Variants in SGIP1 observed in about 807,000 individuals in gnomAD.
SGIP1 encodes SH3GL interacting endocytic adaptor 1.
SGIP1 carries 38 observed loss-of-function variants against 107.5 expected under a neutral mutation model. The ratio of observed to expected loss-of-function variants is 0.35; its 90% CI spans 0.27 to 0.46. The LOEUF is 0.46. Among genes scored for constraint, SGIP1 ranks in the 20% least tolerant of loss-of-function variants. The pLI, the probability that SGIP1 is intolerant of heterozygous loss-of-function variation, is 1.00. For missense variants in SGIP1, 929 were observed against 1,019.5 expected, an observed-to-expected ratio of 0.91 and a Z score of 1.21; for synonymous variants, 365 against 366.1, an observed-to-expected ratio of 1.00 and a Z score of 0.03.
intron 18 of SGIP1, among the ~76,000 whole-genome samples, chr1:66,697,127 C>A (rs975253944): frequency 1.1e-4 from 17 of 152,104 alleles, no homozygotes; most frequent in African/African-American, 4.1e-4. Context: ...GTGTATGTGT[C>A]AGCTTATTTG....
chr1:66,741,494 A>C, intron 24 of SGIP1, 58 bp downstream of exon 24: 1 of 1,469,752 alleles, frequency 6.8e-7, no homozygotes, highest in South Asian at 1.5e-5. Flanking sequence ...GGCTACTCTT[A>C]AGAGGAATAG....
intron 3 of SGIP1, chr1:66,634,282 C>G (rs929691503): frequency 3.9e-5 from 29 of 739,050 alleles, no homozygotes; most frequent in Non-Finnish European, 4.8e-5. Flanking sequence ...CCTTGCTGCT[C>G]CCAGACTGGA....
At chr1:66,626,978 T>A (rs1287342307) in intron 2 of SGIP1, among the ~76,000 whole-genome samples, 1 of 152,186 alleles carries the variant, frequency 6.6e-6, no homozygotes, top group African/African-American at 2.4e-5. Flanking sequence ...CCTGAGTATT[T>A]CCCTGGGCCC....
At chr1:66,711,389 A>G (rs1248886985) in intron 18 of SGIP1, among the ~76,000 whole-genome samples, 1 of 152,162 alleles carries the variant, frequency 6.6e-6, no homozygotes, top group African/African-American at 2.4e-5. Context: ...GGGTAAGGGT[A>G]AAACCCAGAT....
At chr1:66,584,312 G>A (rs2062235538) in intron 1 of SGIP1, among the ~76,000 whole-genome samples, 2 of 152,062 alleles carry the variant, frequency 1.3e-5, no homozygotes, top group South Asian at 4.1e-4. Flanking sequence ...ATGCTGTTTG[G>A]ATTCTCCAAT....
intron 1 of SGIP1, among the ~76,000 whole-genome samples, chr1:66,605,411 G>T (rs898219723): frequency 2.0e-5 from 3 of 152,064 alleles, no homozygotes; most frequent in African/African-American, 7.2e-5. Context: ...TATAAAGGGG[G>T]AGTTGTCAAG....
At chr1:66,656,518 A>T (rs2079811989) in intron 7 of SGIP1, among the ~76,000 whole-genome samples, 1 of 152,232 alleles carries the variant, frequency 6.6e-6, no homozygotes, top group Non-Finnish European at 1.5e-5. Flanking sequence ...AATGCATTGC[A>T]CTATGACATC....
intron 9 of SGIP1, among the ~76,000 whole-genome samples, chr1:66,668,930 T>C (rs2083178335): frequency 1.3e-5 from 2 of 152,206 alleles, no homozygotes; most frequent in Admixed American, 1.3e-4. Context: ...TTTTCCTGAA[T>C]GTGGTTTGTG....
chr1:66,739,485 C>T lies in SGIP1; in HGVS notation c.2182C>T (p.Pro728Ser). 1.2e-6 allele frequency: 2 copies of T among 1,614,092 alleles called. No homozygotes were observed. Among genetic ancestry groups the T allele is most frequent in the South Asian group, 1.1e-5 (1 of 91,066 alleles). ...VALNNVQFLV[P>S]IDGGVTKLQA... is the part of the protein sequence containing the mutation. ...CCTCAACAATGTGCAGTTCCTGGTCCCCATCGACGGAGGAGTCACCAAGCT... is the reference window on the plus strand; with the variant it reads ...CCTCAACAATGTGCAGTTCCTGGTCTCCATCGACGGAGGAGTCACCAAGCT... Residue 728 changes from proline (P) to serine (S), a missense_variant, in exon 22 of 25, where the codon CCC becomes TCC. Physicochemically the swap from Pro to Ser is moderately conservative, Grantham distance 74. Coordinates refer to ENST00000371037, the MANE Select transcript of SGIP1 (RefSeq NM_032291.4).
chr1:66,533,618 A>C (rs959717490), upstream of SGIP1: 1 of 152,250 alleles, frequency 6.6e-6, no homozygotes, highest in African/African-American at 2.4e-5. Flanking sequence ...AGAGAGAGAG[A>C]GACGCACAGA....
At chr1:66,728,625 T>C (rs1004368695) in intron 19 of SGIP1, among the ~76,000 whole-genome samples, 2 of 152,216 alleles carry the variant, frequency 1.3e-5, no homozygotes, top group East Asian at 1.9e-4. Flanking sequence ...GAAATATAAA[T>C]CATTCTATCA....
chr1:66,682,219 A>G lies in SGIP1; in HGVS notation c.1165A>G (p.Ile389Val), dbSNP rs562323083. 3 of 1,614,240 alleles carry G rather than the reference A, an allele frequency of 1.9e-6. No individual in the cohort carries two copies. Among genetic ancestry groups the G allele is most frequent in the African/African-American group, 1.3e-5 (1 of 75,064 alleles). ...VQKKVAEQTFIKDDYLETISS... is the reference protein window; with the variant it reads ...VQKKVAEQTFVKDDYLETISS... ...GAAGAAAGTCGCTGAGCAGACCTTC[A>G]TTAAAGATGATTACTTAGAAACAAT... Residue 389 changes from isoleucine (I) to valine (V), a missense_variant, in exon 15 of 25, where the codon ATT (isoleucine) becomes GTT (valine). Coordinates refer to ENST00000371037, the MANE Select transcript of SGIP1 (RefSeq NM_032291.4).
chr1:66,726,644 G>C (rs1334309394), intron 19 of SGIP1, among the ~76,000 whole-genome samples: 2 of 152,108 alleles, frequency 1.3e-5, no homozygotes, highest in South Asian at 2.1e-4. Context: ...AGAAAGGACA[G>C]TCTTCTCAAA....
At chr1:66,694,651 T>C in intron 17 of SGIP1, 1 of 518,068 alleles carries the variant, frequency 1.9e-6, no homozygotes, top group Non-Finnish European at 3.1e-6. Context: ...TTACTGTTCA[T>C]CATGGAACTC....
At position 66,750,661 on chromosome 1, in the gene SGIP1, T is replaced by A. The variant is rs2094610893; in HGVS notation, c.*7566T>A. Among the ~76,000 whole-genome samples the A allele has an allele frequency of 6.6e-6, 1 of 152,230 alleles. No homozygotes were observed. Among genetic ancestry groups the A allele is most frequent in the Admixed American group, 6.5e-5 (1 of 15,280 alleles). On this transcript the variant is annotated 3_prime_UTR_variant, in exon 25 of 25. Transcript: ENST00000371037. ...TGATTCCCAGCCTTTTTCCTACACG[T>A]CTATTTCAAAAGAGTATACTTTTTT...
At chr1:66,696,299 A>C (rs945173660) in intron 18 of SGIP1, among the ~76,000 whole-genome samples, 8 of 152,212 alleles carry the variant, frequency 5.3e-5, no homozygotes, top group African/African-American at 1.7e-4. Flanking sequence ...AATTTAACTT[A>C]ATTTATGGAC....
chr1:66,582,676 T>C (rs1420289151), intron 1 of SGIP1, among the ~76,000 whole-genome samples: 1 of 151,994 alleles, frequency 6.6e-6, no homozygotes, highest in African/African-American at 2.4e-5. Flanking sequence ...AATTGATTCA[T>C]AAATATCTGA....
chr1:66,616,547 A>C (rs1388105291), intron 1 of SGIP1, among the ~76,000 whole-genome samples: 1 of 152,168 alleles, frequency 6.6e-6, no homozygotes, highest in East Asian at 1.9e-4. Context: ...TTGTCCTAGG[A>C]AGTAGTCCTA....
intron 7 of SGIP1, among the ~76,000 whole-genome samples, chr1:66,645,361 A>G (rs1456778941): frequency 2.0e-5 from 3 of 152,228 alleles, no homozygotes; most frequent in African/African-American, 7.2e-5. Flanking sequence ...AACCAGATAC[A>G]TTGCTAAGGA....
Sources: allele counts gnomAD v4.1 joint callset (sites outside exome capture counted in the v4.1 genomes callset), GRCh38; gene constraint gnomAD v4.1.1; transcripts MANE v1.5; gene names NCBI Gene and HGNC (gene_info 2026-07-23, HGNC 2026-07-21).